CRY1: variants seen among roughly 807,000 people sequenced by gnomAD.
CRY1 encodes the protein cryptochrome circadian regulator 1.
A neutral mutation model predicts 76.0 loss-of-function variants in CRY1; 45 were observed. The ratio of observed to expected loss-of-function variants is 0.59; its 90% CI spans 0.47 to 0.76. The LOEUF is 0.76. Ranked by LOEUF, CRY1 falls within the 30% of genes least tolerant of loss-of-function variation. The probability of loss-of-function intolerance (pLI) is 0.00; values close to 1 mark genes in which losing one functional copy is unlikely to be tolerated. For synonymous variants in CRY1, 248 were observed against 244.0 expected (o/e 1.02, Z -0.15); for missense variants, 587 against 716.4 (o/e 0.82, Z 2.06).
chr12:107,054,274 TATTG>T (rs905000447), intron 1 of CRY1, among the ~76,000 whole-genome samples: 21 of 152,090 alleles, frequency 1.4e-4, no homozygotes, highest in African/African-American at 5.1e-4. Flanking sequence ...TAGACAAAAT[TATTG>T]ATTAACTTTA....
At chr12:107,008,545 T>C (rs563979700) in intron 2 of CRY1, among the ~76,000 whole-genome samples, 1 of 152,350 alleles carries the variant, frequency 6.6e-6, no homozygotes, top group South Asian at 2.1e-4. Flanking sequence ...TGGCTAGACT[T>C]CAAGTAATTT....
intron 2 of CRY1, among the ~76,000 whole-genome samples, chr12:107,009,706 C>T (rs949596246): frequency 4.7e-5 from 7 of 150,020 alleles, no homozygotes; most frequent in Admixed American, 2.0e-4. Context: ...CACAGGAGTT[C>T]GAGCTCAGCC....
In CRY1 at chr12:107,061,590, C is replaced by G. The variant is rs184981065; in HGVS notation, c.158+31214G>C. 2.1e-3 allele frequency among the ~76,000 whole-genome samples: 327 copies of G among 152,118 alleles called. 1 individual carries two copies. The highest frequency in any genetic ancestry group is 7.6e-3 in the African/African-American group (317 of 41,520). On this transcript the variant is annotated intron_variant, in intron 1 of 12. Coordinates refer to ENST00000008527, the MANE Select transcript of CRY1 (RefSeq NM_004075.5). ...AGAGATGGGGTTTCACCATGTTGGC[C>G]AGGCTGGTCTTGAACTCCTGACCTC...
rs554939538 is a variant in CRY1, at chr12:107,053,433, CA to C, written c.159-31242del. Among the ~76,000 whole-genome samples, 439 of 152,262 alleles carry C rather than the reference CA, an allele frequency of 2.9e-3. 2 individuals are homozygous for C. Among genetic ancestry groups the C allele is most frequent in the Non-Finnish European group, 5.1e-3 (346 of 68,024 alleles). On this transcript the variant is annotated intron_variant, in intron 1 of 12. Coordinates refer to ENST00000008527, the MANE Select transcript of CRY1 (RefSeq NM_004075.5). ...CCGGGTTCAAGCAATTCTCCTGCCTCAGCCTCCTGAGTAGCTGGGATTACAG... is the reference window on the plus strand; with the variant it reads ...CCGGGTTCAAGCAATTCTCCTGCCTCGCCTCCTGAGTAGCTGGGATTACAG...
intron 1 of CRY1, among the ~76,000 whole-genome samples, chr12:107,081,079 G>C (rs1321125817): frequency 6.6e-6 from 1 of 152,090 alleles, no homozygotes; most frequent in African/African-American, 2.4e-5. Context: ...TTTGAAAAGA[G>C]ACAGCAGTAT....
At chr12:107,061,788 TA>T (rs1189821909) in intron 1 of CRY1, among the ~76,000 whole-genome samples, 4 of 152,186 alleles carry the variant, frequency 2.6e-5, no homozygotes, top group Non-Finnish European at 5.9e-5. Flanking sequence ...AGCATATCAT[TA>T]ATTTCTTTCT....
At chr12:107,023,946 G>A (rs554277710) in intron 1 of CRY1, among the ~76,000 whole-genome samples, 5 of 152,296 alleles carry the variant, frequency 3.3e-5, no homozygotes, top group African/African-American at 1.2e-4. Flanking sequence ...CATGTCTGGT[G>A]ACAAATGTTT....
intron 3 of CRY1, 67 bp from the exon 4 acceptor site, chr12:107,002,015 C>T: frequency 7.5e-7 from 1 of 1,340,478 alleles, no homozygotes; most frequent in Non-Finnish European, 1.0e-6. Context: ...TAATAAGCTC[C>T]CAAAAGGCTT....
intron 2 of CRY1, among the ~76,000 whole-genome samples, chr12:107,012,434 T>C (rs948773485): frequency 2.6e-5 from 4 of 152,204 alleles, no homozygotes; most frequent in African/African-American, 4.8e-5. Flanking sequence ...TTTTAAGCTC[T>C]CTGTTGAGAC....
At chr12:106,996,097 C>T (rs551572030) in intron 10 of CRY1, among the ~76,000 whole-genome samples, 28 of 152,322 alleles carry the variant, frequency 1.8e-4, no homozygotes, top group Admixed American at 6.5e-4. Flanking sequence ...CCACCCACCT[C>T]GGCCTCCCAA....
intron 2 of CRY1, among the ~76,000 whole-genome samples, chr12:107,011,154 G>A (rs1173617294): frequency 6.6e-6 from 1 of 152,118 alleles, no homozygotes; most frequent in Non-Finnish European, 1.5e-5. Context: ...AGACCAGCCT[G>A]GCAACATGGT....
At chr12:107,045,586 T>C (rs1952839972) in intron 1 of CRY1, among the ~76,000 whole-genome samples, 1 of 152,248 alleles carries the variant, frequency 6.6e-6, no homozygotes, top group African/African-American at 2.4e-5. Flanking sequence ...ATGTCCCGAA[T>C]GGTATTGCCT....
At chr12:107,083,355 T>C (rs1163562248) in intron 1 of CRY1, among the ~76,000 whole-genome samples, 2 of 152,058 alleles carry the variant, frequency 1.3e-5, no homozygotes, top group African/African-American at 2.4e-5. Flanking sequence ...GAGGCCAACA[T>C]CATTCTGATA....
At chr12:106,992,371 G>A (rs1245758212) in intron 12 of CRY1, 1 of 155,826 alleles carries the variant, frequency 6.4e-6, no homozygotes, top group African/African-American at 2.4e-5. Context: ...CATCATAACA[G>A]ATAAAAGAAA....
In CRY1 at chr12:107,001,825, G is replaced by A; in HGVS notation, c.534C>T (p.Cys178=). ...CATGGTCATCAGACAGAGGAGTTGT[G>A]CACTTTTCTATCACTTCTGAAGTAA... ...ETITSEVIEK[C]TTPLSDDHDE... is the part of the protein sequence containing the mutation. Residue 178 remains cysteine, a synonymous_variant, in exon 4 of 13, where the codon TGC becomes TGT. Coordinates refer to ENST00000008527, the MANE Select transcript of CRY1 (RefSeq NM_004075.5). 6.3e-7 allele frequency: 1 copy of A among 1,591,336 alleles called. No individual in the cohort carries two copies. Among genetic ancestry groups the A allele is most frequent in the Non-Finnish European group, 8.5e-7 (1 of 1,174,632 alleles).
intron 3 of CRY1, 117 bp from the exon 4 acceptor site, chr12:107,002,065 G>T: frequency 1.2e-6 from 1 of 801,576 alleles, no homozygotes. Flanking sequence ...AGTCTTTGAG[G>T]GTGTTAGCTT....
chr12:106,991,377 T>C lies in CRY1; in HGVS notation c.*625A>G, dbSNP rs1373016247. 1 of 152,566 alleles carries C rather than the reference T, an allele frequency of 6.6e-6. No individual in the cohort carries two copies. The highest frequency in any genetic ancestry group is 2.4e-5 in the African/African-American group (1 of 41,430). 9.5% of individuals were successfully genotyped at this position (152,566 alleles called of 1,614,324 possible). A position where few individuals can be genotyped will look rare whatever the true frequency, so the allele number is the denominator to read the frequency against. On this transcript the variant is annotated 3_prime_UTR_variant, in exon 13 of 13. Coordinates refer to ENST00000008527, the MANE Select transcript of CRY1 (RefSeq NM_004075.5). ...ACGTACACAAGATTTCATATTTGCA[T>C]ATACTTTAATAACAAGTTCATTTTA...
At chr12:107,081,348 A>C (rs549171930) in intron 1 of CRY1, among the ~76,000 whole-genome samples, 1 of 152,194 alleles carries the variant, frequency 6.6e-6, no homozygotes, top group South Asian at 2.1e-4. Flanking sequence ...AAAAATTAAA[A>C]CAATATTTAA....
chr12:107,037,264 A>C (rs956416321), intron 1 of CRY1, among the ~76,000 whole-genome samples: 1 of 152,132 alleles, frequency 6.6e-6, no homozygotes, highest in African/African-American at 2.4e-5. Flanking sequence ...GGAAAGAATA[A>C]TAAGAAAATG....
Sources: gnomAD v4.1 joint callset for allele counts (sites outside exome capture counted in the v4.1 genomes callset) on GRCh38, gnomAD v4.1.1 for gene constraint, MANE v1.5 for transcripts, NCBI Gene and HGNC (gene_info 2026-07-23, HGNC 2026-07-21) for gene names.